The following BBOF1 variants were observed in gnomAD, a reference collection of about 807,000 sequenced individuals.
The protein encoded by BBOF1 is basal body orientation factor 1.
In BBOF1, 62 loss-of-function variants were observed where a neutral mutation model predicts 68.0. The observed-to-expected ratio is 0.91, with a 90% confidence interval of 0.74 to 1.13. The LOEUF (loss-of-function observed/expected upper bound fraction) is 1.13. Ranked by LOEUF, BBOF1 falls within the 50% of genes most tolerant of loss-of-function variation. The probability of loss-of-function intolerance (pLI) is 0.00; values close to 1 mark genes in which losing one functional copy is unlikely to be tolerated. For synonymous variants in BBOF1, 208 were observed against 198.8 expected (o/e 1.05, Z -0.39); for missense variants, 534 against 600.1 (o/e 0.89, Z 1.15).
chr14:74,074,041 G>C (rs2060583397), intron 9 of BBOF1, among the ~76,000 whole-genome samples: 1 of 149,388 alleles, frequency 6.7e-6, no homozygotes. Flanking sequence ...TTGGAGTGCA[G>C]TGGCACAATC....
intron 10 of BBOF1, among the ~76,000 whole-genome samples, chr14:74,080,755 T>C (rs1055239662): frequency 5.3e-5 from 8 of 152,192 alleles, no homozygotes; most frequent in Non-Finnish European, 8.8e-5. Context: ...CTCTTAAACT[T>C]TCTGAATCTA....
intron 11 of BBOF1, among the ~76,000 whole-genome samples, chr14:74,062,738 A>T (rs2060374828): frequency 6.6e-6 from 1 of 152,248 alleles, no homozygotes; most frequent in Non-Finnish European, 1.5e-5. Flanking sequence ...TTAATTTTTT[A>T]ATAACCCAAA....
At chr14:74,067,714 A>C, downstream of BBOF1, 1 of 860,734 alleles carries the variant, frequency 1.2e-6, no homozygotes, top group Non-Finnish European at 1.9e-6. Flanking sequence ...ACTTGAGGTC[A>C]GGAGTTCAAG....
chr14:74,044,137 T>C (rs191881199), intron 5 of BBOF1, among the ~76,000 whole-genome samples: 349 of 151,860 alleles, frequency 2.3e-3, no homozygotes, highest in African/African-American at 6.1e-3. Flanking sequence ...TCCCAGCTAC[T>C]TGGGAGGCTG....
chr14:74,066,667 C>G (rs2060471193), downstream of BBOF1: 1 of 1,583,874 alleles, frequency 6.3e-7, no homozygotes, highest in Non-Finnish European at 8.7e-7. Flanking sequence ...CTTTAAGGTG[C>G]CTTCAGCTCT....
At chr14:74,079,753 G>A (rs560219174) in intron 10 of BBOF1, among the ~76,000 whole-genome samples, 18 of 152,178 alleles carry the variant, frequency 1.2e-4, no homozygotes, top group Non-Finnish European at 2.2e-4. Context: ...ATTTTTAGTG[G>A]AGATGCGGTT....
rs1315146353 is a variant in BBOF1 at position 74,039,625 on chromosome 14, G to A, written c.496-940G>A. ...TTTTTTTTTTGTATTTAGTAGAGAC[G>A]GGGGTTTCACCATGTTGGTCAGGCT... On this transcript the variant is annotated intron_variant, in intron 4 of 11. Coordinates refer to ENST00000394009, the MANE Select transcript of BBOF1 (RefSeq NM_025057.3). Among the ~76,000 whole-genome samples the A allele has an allele frequency of 1.3e-5, 2 of 150,428 alleles. 1 individual carries two copies. Among genetic ancestry groups the A allele is most frequent in the African/African-American group, 4.9e-5 (2 of 40,746 alleles).
intron 5 of BBOF1, among the ~76,000 whole-genome samples, chr14:74,042,235 A>G (rs948582754): frequency 2.6e-5 from 4 of 152,200 alleles, no homozygotes; most frequent in African/African-American, 4.8e-5. Flanking sequence ...CAGTTTGTGT[A>G]TGGAATAACC....
intron 10 of BBOF1, among the ~76,000 whole-genome samples, chr14:74,078,601 C>T (rs944768982): frequency 3.3e-5 from 5 of 152,208 alleles, no homozygotes; most frequent in East Asian, 3.8e-4. Context: ...AATCTTGGCT[C>T]ACTGCAACCT....
At chr14:74,052,838 A>C (rs2060097870) in intron 8 of BBOF1, among the ~76,000 whole-genome samples, 1 of 151,746 alleles carries the variant, frequency 6.6e-6, no homozygotes, top group Non-Finnish European at 1.5e-5. Flanking sequence ...CTCTACAAAA[A>C]ACAAAACAAA....
chr14:74,068,782 C>T, downstream of BBOF1: 2 of 1,521,318 alleles, frequency 1.3e-6, no homozygotes, highest in Non-Finnish European at 1.8e-6. Flanking sequence ...GGATGAGTGG[C>T]CTCTCTGCTG....
intron 8 of BBOF1, among the ~76,000 whole-genome samples, chr14:74,053,218 T>G (rs1404128815): frequency 1.3e-5 from 2 of 151,556 alleles, no homozygotes; most frequent in Non-Finnish European, 1.5e-5. Context: ...GTTCAAGCGA[T>G]TCTCCTGCCT....
chr14:74,067,696 G>T, downstream of BBOF1: 2 of 1,005,914 alleles, frequency 2.0e-6, no homozygotes, highest in Non-Finnish European at 3.0e-6. Context: ...GCTGAGGTGA[G>T]AAGGATAACT....
At chr14:74,036,708 T>C (rs1411771673) in intron 4 of BBOF1, among the ~76,000 whole-genome samples, 1 of 147,312 alleles carries the variant, frequency 6.8e-6, no homozygotes, top group Non-Finnish European at 1.5e-5. Context: ...AAAAGCTGTC[T>C]TTAGTGTTCC....
At chr14:74,040,534 C>A in intron 4 of BBOF1, 31 bp from the exon 5 acceptor site, 3 of 1,397,440 alleles carry the variant, frequency 2.1e-6, no homozygotes, top group South Asian at 2.7e-5. Flanking sequence ...TTCTATTGAT[C>A]ATTTTTGTTT....
chr14:74,033,956 C>A, intron 3 of BBOF1, 72 bp from the exon 4 acceptor site: 1 of 1,238,908 alleles, frequency 8.1e-7, no homozygotes, highest in Non-Finnish European at 1.1e-6. Flanking sequence ...TGGCGTAAGG[C>A]TTCAAATGAA....
At chr14:74,046,975 G>A (rs1379968339) in intron 6 of BBOF1, 5 of 152,196 alleles carry the variant, frequency 3.3e-5, no homozygotes, top group African/African-American at 9.7e-5. Context: ...CAATCCACCC[G>A]CCTCGGGCTT....
intron 9 of BBOF1, chr14:74,071,861 C>T (rs1176338613): frequency 1.0e-5 from 16 of 1,605,644 alleles, no homozygotes; most frequent in African/African-American, 4.0e-5. Context: ...TCCTTTGGTC[C>T]TTCCCAAAAG....
At chr14:74,067,985 GA>G (rs1035477394), downstream of BBOF1, among the ~76,000 whole-genome samples, 11 of 125,278 alleles carry the variant, frequency 8.8e-5, no homozygotes, top group African/African-American at 3.6e-4. Context: ...TTAGTTATAT[GA>G]AGAGCAATGT....
Sources: gnomAD v4.1 joint callset for allele counts (sites outside exome capture counted in the v4.1 genomes callset) on GRCh38, gnomAD v4.1.1 for gene constraint, MANE v1.5 for transcripts, NCBI Gene and HGNC (gene_info 2026-07-23, HGNC 2026-07-21) for gene names.